The following SPMIP3 variants were observed in gnomAD, a reference collection of about 807,000 sequenced individuals.
SPMIP3 encodes protein SPMIP3.
the SPMIP3 span, among the ~76,000 whole-genome samples, chr1:244,373,780 T>C: frequency 1.1e-4 from 16 of 151,976 alleles, no homozygotes; most frequent in East Asian, 3.1e-3. Context: ...TACAGTCTTA[T>C]AACTATAATA....
the SPMIP3 span, chr1:244,364,580 T>G: frequency 1.1e-6 from 1 of 937,324 alleles, no homozygotes; most frequent in Non-Finnish European, 1.7e-6. Context: ...CCATGTCAAA[T>G]ATTTTTACTG....
the SPMIP3 span, among the ~76,000 whole-genome samples, chr1:244,359,704 T>A: frequency 7.0e-6 from 1 of 143,416 alleles, no homozygotes; most frequent in African/African-American, 2.6e-5. Context: ...GCCTGGGCAA[T>A]GAGAGCAAAA....
the SPMIP3 span, among the ~76,000 whole-genome samples, chr1:244,388,097 T>C: frequency 5.9e-5 from 9 of 151,882 alleles, no homozygotes; most frequent in Admixed American, 3.3e-4. Flanking sequence ...CCGGCTAATT[T>C]TGTGTATTTT....
the SPMIP3 span, among the ~76,000 whole-genome samples, chr1:244,382,569 T>C: frequency 6.6e-6 from 1 of 151,132 alleles, no homozygotes; most frequent in Non-Finnish European, 1.5e-5. Flanking sequence ...TCTTATATTT[T>C]AACGGCATTA....
At chr1:244,368,878 T>C in the SPMIP3 span, among the ~76,000 whole-genome samples, 1 of 152,120 alleles carries the variant, frequency 6.6e-6, no homozygotes, top group African/African-American at 2.4e-5. Flanking sequence ...ATCATCATAT[T>C]GGCCGGGTGC....
chr1:244,356,374 A>G, the SPMIP3 span, among the ~76,000 whole-genome samples: 1 of 152,230 alleles, frequency 6.6e-6, no homozygotes, highest in Admixed American at 6.5e-5. Flanking sequence ...TATATTATAG[A>G]AATTTGATTT....
the SPMIP3 span, among the ~76,000 whole-genome samples, chr1:244,386,115 T>C: frequency 4.0e-5 from 6 of 151,760 alleles, no homozygotes; most frequent in African/African-American, 1.5e-4. Context: ...GAGGCGGAGG[T>C]TGCAGTGAGC....
chr1:244,388,836 T>C, the SPMIP3 span: 17 of 564,908 alleles, frequency 3.0e-5, no homozygotes, highest in South Asian at 5.7e-5. Flanking sequence ...TGCATTCATT[T>C]GTCTTAAACC....
the SPMIP3 span, among the ~76,000 whole-genome samples, chr1:244,357,729 ATACTC>A: frequency 6.7e-6 from 1 of 148,770 alleles, no homozygotes; most frequent in African/African-American, 2.5e-5. Context: ...AAAAAAAAGA[ATACTC>A]TAGCAATGTG....
chr1:244,364,862 C>T, the SPMIP3 span: 1 of 1,190,442 alleles, frequency 8.4e-7, no homozygotes, highest in Admixed American at 1.8e-5. Flanking sequence ...GAGACTACTG[C>T]CAGGGAGTTC....
the SPMIP3 span, chr1:244,375,366 C>T: frequency 1.2e-6 from 2 of 1,609,342 alleles, no homozygotes; most frequent in Non-Finnish European, 1.7e-6. Context: ...TCACTTTCTG[C>T]TCTAGTATAT....
chr1:244,375,559 A>G, the SPMIP3 span: 1 of 841,572 alleles, frequency 1.2e-6, no homozygotes, highest in South Asian at 1.7e-5. Flanking sequence ...ACTACTCCTC[A>G]TAATACTGAT....
the SPMIP3 span, among the ~76,000 whole-genome samples, chr1:244,368,370 C>G: frequency 6.6e-6 from 1 of 152,212 alleles, no homozygotes; most frequent in South Asian, 2.1e-4. Context: ...CATCTGAACT[C>G]CTTTAACCTT....
At chr1:244,383,347 A>G in the SPMIP3 span, among the ~76,000 whole-genome samples, 1 of 152,096 alleles carries the variant, frequency 6.6e-6, no homozygotes, top group South Asian at 2.1e-4. Flanking sequence ...ACCCACTCCT[A>G]CAAAAGAAAT....
chr1:244,381,136 G>A, the SPMIP3 span, among the ~76,000 whole-genome samples: 1 of 152,010 alleles, frequency 6.6e-6, no homozygotes, highest in African/African-American at 2.4e-5. Context: ...AGCTTGACAC[G>A]GGTTAGGGCT....
chr1:244,356,090 G>A, the SPMIP3 span, among the ~76,000 whole-genome samples: 6 of 152,144 alleles, frequency 3.9e-5, no homozygotes, highest in African/African-American at 1.4e-4. Context: ...TATGTCATTT[G>A]CAGCTAAGGA....
chr1:244,387,800 G>C, the SPMIP3 span, among the ~76,000 whole-genome samples: 2 of 152,174 alleles, frequency 1.3e-5, no homozygotes, highest in Non-Finnish European at 2.9e-5. Context: ...AGAGAAGTAG[G>C]AAGTGAAAAT....
the SPMIP3 span, among the ~76,000 whole-genome samples, chr1:244,365,600 G>A: frequency 6.6e-6 from 1 of 152,098 alleles, no homozygotes; most frequent in Admixed American, 6.6e-5. Flanking sequence ...ATGAAAATGG[G>A]CTAATACAAG....
chr1:244,353,392 AAAC>A, the SPMIP3 span, among the ~76,000 whole-genome samples: 13 of 152,270 alleles, frequency 8.5e-5, no homozygotes, highest in East Asian at 9.6e-4. Flanking sequence ...TTAAGAAAAC[AAAC>A]AACAACAACA....
Sources: allele counts gnomAD v4.1 joint callset (sites outside exome capture counted in the v4.1 genomes callset), GRCh38; gene constraint gnomAD v4.1.1; transcripts MANE v1.5; gene names NCBI Gene and HGNC (gene_info 2026-07-23, HGNC 2026-07-21).